DKC1: variants seen among roughly 807,000 people sequenced by gnomAD.
The protein encoded by DKC1 is H/ACA ribonucleoprotein complex subunit DKC1.
DKC1 carries 4 observed loss-of-function variants against 46.7 expected under a neutral mutation model. The ratio of observed to expected loss-of-function variants is 0.09; its 90% CI spans 0.04 to 0.20. The LOEUF is 0.20. DKC1 is among the 10% of genes least tolerant of loss of function. The pLI is 1.00. For missense variants in DKC1, 171 were observed against 404.2 expected (o/e 0.42, Z 4.95); for synonymous variants, 141 against 142.4 (o/e 0.99, Z 0.07).
At chrX:154,769,084 G>T in intron 8 of DKC1, 83 bp from the exon 9 acceptor site, 1 of 934,993 alleles carries the variant, frequency 1.1e-6, no homozygotes. Context: ...GTAAACAAGT[G>T]ACATTCAGTT....
chrX:154,765,129 T>TC (rs1557264008), intron 2 of DKC1, 163 bp downstream of exon 2: 1 of 504,148 alleles, frequency 2.0e-6, no homozygotes, highest in Non-Finnish European at 3.4e-6. Context: ...CCCCAGACAG[T>TC]CCAAGTGTCC....
chrX:154,763,993 T>G (rs1337207878), intron 1 of DKC1, among the ~76,000 whole-genome samples: 1 of 110,041 alleles, frequency 9.1e-6, no homozygotes, highest in Non-Finnish European at 1.9e-5. Context: ...ACCCCGTCTC[T>G]ACTAAAAATA....
rs782453009 is a variant in DKC1 at position 154,766,306 on chromosome X, A to G, written c.354A>G (p.Thr118=). The part of the protein sequence containing the change: ...WIRRILRVEK[T]GHSGTLDPKV... ...GACGGATACTTCGGGTGGAGAAGAC[A>G]GGGCACAGTGGTACGCTGGATCCCA... Residue 118 remains threonine (T), a synonymous_variant, in exon 5 of 15, where the codon ACA becomes ACG. Transcript: ENST00000369550. 1 of 1,209,946 alleles carries G rather than the reference A, an allele frequency of 8.3e-7. No individual in the cohort carries two copies. Among genetic ancestry groups the G allele is most frequent in the South Asian group, 1.8e-5 (1 of 56,903 alleles).
In DKC1 at chrX:154,763,601, T is replaced by C. The variant is rs1003691268; in HGVS notation, c.16+620T>C. Among the ~76,000 whole-genome samples the C allele has an allele frequency of 3.6e-5, 4 of 112,014 alleles. No homozygotes were observed. The Admixed American group carries it at 3.8e-4, about 11-fold the overall frequency. ...TTACCCAGCCATGGGACCCATACAT[T>C]TGGCCTTACACACCTTGTTTTCTCG... On this transcript the variant is annotated intron_variant, in intron 1 of 14. Transcript: ENST00000369550.
rs781863914 is a variant in DKC1 at position 154,766,201 on chromosome X, T to C, written c.264-15T>C. The C allele has an allele frequency of 1.7e-6, 2 of 1,206,946 alleles. No individual in the cohort carries two copies. The highest frequency in any genetic ancestry group is 3.5e-5 in the South Asian group (2 of 56,827). The stretch of plus-strand genomic sequence containing the variant: ...AGAGTGGGTGATACATTAATTTTTT[T>C]TTTTTCCATTCCAGGACAGGTTTCA... On this transcript the variant is annotated splice_polypyrimidine_tract_variant and intron_variant, in intron 4 of 14. Coordinates refer to ENST00000369550, the MANE Select transcript of DKC1 (RefSeq NM_001363.5).
chrX:154,771,986 G>T (rs1289771354), intron 10 of DKC1, among the ~76,000 whole-genome samples: 1 of 112,221 alleles, frequency 8.9e-6, no homozygotes, highest in East Asian at 2.8e-4. Context: ...GTGTACAAAG[G>T]TTCCCTTTTC....
At chrX:154,772,240 T>A (rs935043061) in intron 10 of DKC1, among the ~76,000 whole-genome samples, 6 of 112,291 alleles carry the variant, frequency 5.3e-5, no homozygotes. Context: ...TCCTTATATA[T>A]TCTGGTTATT....
intron 13 of DKC1, among the ~76,000 whole-genome samples, chrX:154,775,886 C>T (rs782176938): frequency 1.8e-5 from 2 of 112,035 alleles, no homozygotes; most frequent in South Asian, 7.5e-4. Context: ...GCTTTGCCTG[C>T]TTTCTGTGAG....
intron 8 of DKC1, chrX:154,768,860 G>A (rs1485782240): frequency 1.8e-5 from 5 of 281,119 alleles, no homozygotes; most frequent in East Asian, 7.6e-5. Flanking sequence ...GGTGGCGGGC[G>A]CCTGTAGTCC....
chrX:154,763,799 G>A (rs2071711005), intron 1 of DKC1, among the ~76,000 whole-genome samples: 1 of 111,834 alleles, frequency 8.9e-6, no homozygotes, highest in Admixed American at 9.4e-5. Flanking sequence ...GGTATTGTGC[G>A]GAATGCTGTA....
intron 14 of DKC1, 139 bp downstream of exon 14, chrX:154,776,463 G>GC: frequency 1.1e-6 from 1 of 906,820 alleles, no homozygotes; most frequent in Admixed American, 2.6e-5. Context: ...TGCCTTTAGT[G>GC]CTTCCCCATG....
chrX:154,770,363 G>A (rs2148513220), intron 9 of DKC1, among the ~76,000 whole-genome samples: 1 of 107,765 alleles, frequency 9.3e-6, no homozygotes, highest in African/African-American at 3.4e-5. Context: ...CAGCTCCTTG[G>A]GAGGCTGAGA....
chrX:154,768,843 C>T (rs1776920956), intron 8 of DKC1: 5 of 264,783 alleles, frequency 1.9e-5, no homozygotes, highest in African/African-American at 5.9e-5. Flanking sequence ...AAAAATTAGC[C>T]GGGCGCGGTG....
At chrX:154,775,911 A>G (rs1331874917) in intron 13 of DKC1, among the ~76,000 whole-genome samples, 1 of 112,077 alleles carries the variant, frequency 8.9e-6, no homozygotes, top group Non-Finnish European at 1.9e-5. Context: ...CCTTGCAGTC[A>G]TGAGAGAAAC....
chrX:154,768,209 G>A, intron 7 of DKC1, 93 bp from the exon 8 acceptor site: 1 of 1,067,346 alleles, frequency 9.4e-7, no homozygotes, highest in Non-Finnish European at 1.3e-6. Context: ...GTCACCTCTA[G>A]TCTTGGTGGC....
At chrX:154,763,123 C>T in intron 1 of DKC1, 142 bp downstream of exon 1, 1 of 766,419 alleles carries the variant, frequency 1.3e-6, no homozygotes. Flanking sequence ...CTTAAGCCGG[C>T]CTTGTCTCTC....
At chrX:154,767,843 C>CTTTTTT (rs35184460) in intron 7 of DKC1, among the ~76,000 whole-genome samples, 29 of 65,169 alleles carry the variant, frequency 4.4e-4, no homozygotes, top group Non-Finnish European at 5.3e-4. Flanking sequence ...AATTACAGAT[C>CTTTTTT]TTTTTTTTTT....
At position 154,766,694 on chromosome X, in the gene DKC1, A is replaced by T. The variant is rs1192545062; in HGVS notation, c.448+294A>T. 18 of 429,387 alleles carry T rather than the reference A, an allele frequency of 4.2e-5. No homozygotes were observed. In the East Asian group the frequency reaches 6.7e-4, roughly 16 times the overall value. The allele number at this position is 429,387 out of a possible 1,213,427, so 35.4% of individuals were successfully genotyped here. ...CACTCTGTGCTACCGCTTCTGCCTA[A>T]AGTATCCTTCGTTCATTTTTATCTG... On this transcript the variant is annotated intron_variant, in intron 5 of 14. Coordinates refer to ENST00000369550, the MANE Select transcript of DKC1 (RefSeq NM_001363.5).
At chrX:154,767,843 CTTTTTTTTTTTTTTT>C in intron 7 of DKC1, among the ~76,000 whole-genome samples, 1 of 65,177 alleles carries the variant, frequency 1.5e-5, no homozygotes, top group Admixed American at 2.0e-4. Flanking sequence ...AATTACAGAT[CTTTTTTTTTTTTTTT>C]TTTTTTTTTT....
Sources: allele counts gnomAD v4.1 joint callset (sites outside exome capture counted in the v4.1 genomes callset), GRCh38; gene constraint gnomAD v4.1.1; transcripts MANE v1.5; gene names NCBI Gene and HGNC (gene_info 2026-07-23, HGNC 2026-07-21).